CCDC171: variants seen among roughly 807,000 people sequenced by gnomAD.
CCDC171 encodes the protein coiled-coil domain-containing protein 171.
In CCDC171, 177 loss-of-function variants were observed where a neutral mutation model predicts 168.2. The ratio of observed to expected loss-of-function variants is 1.05; its 90% CI spans 0.93 to 1.19. The LOEUF is 1.19. Ranked by LOEUF, CCDC171 falls within the 50% of genes most tolerant of loss-of-function variation. The pLI, the probability that CCDC171 is intolerant of heterozygous loss-of-function variation, is 0.00. For missense variants in CCDC171, 1,991 were observed against 1,539.0 expected, an observed-to-expected ratio of 1.29 and a Z score of -4.91; for synonymous variants, 687 against 540.8, an observed-to-expected ratio of 1.27 and a Z score of -3.75.
the CCDC171 span, among the ~76,000 whole-genome samples, chr9:16,104,926 G>T: frequency 6.6e-6 from 1 of 152,084 alleles, no homozygotes; most frequent in African/African-American, 2.4e-5. Context: ...AGAGATGTAG[G>T]TACCAGCAGA....
At chr9:15,909,452 A>G (rs3008702) in intron 24 of CCDC171, among the ~76,000 whole-genome samples, 95,281 of 151,980 alleles carry the variant, frequency 0.63, 31,328 homozygotes, top group East Asian at 0.78. Flanking sequence ...GCAAAGCGAG[A>G]AGGTGGTTGG....
chr9:16,072,968 T>C, the CCDC171 span, among the ~76,000 whole-genome samples: 2 of 152,234 alleles, frequency 1.3e-5, no homozygotes, highest in Non-Finnish European at 2.9e-5. Context: ...ATAAGAGATA[T>C]CAGGAGACTC....
At position 15,768,884 on chromosome 9, in the gene CCDC171, A is replaced by G. The variant is rs535146425; in HGVS notation, c.2672-8716A>G. On this transcript the variant is annotated intron_variant, in intron 18 of 25. Coordinates refer to ENST00000380701, the MANE Select transcript of CCDC171 (RefSeq NM_173550.4). ...ATCTTCATCCGCAGTATCAGCAGCA[A>G]TATTGTTCCTTGTTTCTTATTGCAT... Among the ~76,000 whole-genome samples the G allele has an allele frequency of 2.6e-5, 4 of 152,268 alleles. No individual in the cohort carries two copies. The East Asian group carries it at 7.7e-4, about 29-fold the overall frequency.
At chr9:15,954,903 T>C (rs543218864) in intron 25 of CCDC171, among the ~76,000 whole-genome samples, 1 of 152,116 alleles carries the variant, frequency 6.6e-6, no homozygotes, top group African/African-American at 2.4e-5. Context: ...TGTCTTTGTC[T>C]CAGAGACCTG....
At chr9:15,772,638 G>C (rs1564378336) in intron 18 of CCDC171, among the ~76,000 whole-genome samples, 1 of 152,196 alleles carries the variant, frequency 6.6e-6, no homozygotes, top group Non-Finnish European at 1.5e-5. Flanking sequence ...GACCAGATGT[G>C]TAGGACTTTT....
intron 24 of CCDC171, among the ~76,000 whole-genome samples, chr9:15,919,874 C>T (rs972646293): frequency 6.6e-6 from 1 of 151,618 alleles, no homozygotes; most frequent in African/African-American, 2.4e-5. Context: ...ATTTTACTAA[C>T]TCAGCTTATT....
At chr9:16,002,135 ATT>A (rs76881347) in intron 3 of CCDC171, among the ~76,000 whole-genome samples, 37,550 of 103,450 alleles carry the variant, frequency 0.36, 5,475 homozygotes, top group Admixed American at 0.46. Flanking sequence ...GCCTACTATC[ATT>A]TTTTTTTTTT....
chr9:15,716,440 C>G (rs2053092044), intron 11 of CCDC171, among the ~76,000 whole-genome samples: 1 of 151,872 alleles, frequency 6.6e-6, no homozygotes, highest in Non-Finnish European at 1.5e-5. Context: ...CAATAAGGTC[C>G]TCGGTTTAGG....
rs1270423660 is a variant in CCDC171 at position 15,967,411 on chromosome 9, C to G, written c.3754-4198C>G. Among the ~76,000 whole-genome samples, 2 of 152,150 alleles carry G rather than the reference C, an allele frequency of 1.3e-5. 1 individual carries two copies. The highest frequency in any genetic ancestry group is 1.3e-4 in the Admixed American group (2 of 15,276). ...TGAAGCCACATCATCTAAATTGTGG[C>G]TAATCTTGTTATCTATTTGGCTTTA... On this transcript the variant is annotated intron_variant, in intron 25 of 25. Coordinates refer to ENST00000380701, the MANE Select transcript of CCDC171 (RefSeq NM_173550.4).
At chr9:15,841,971 A>C (rs1298473294) in intron 21 of CCDC171, among the ~76,000 whole-genome samples, 1 of 152,024 alleles carries the variant, frequency 6.6e-6, no homozygotes, top group Non-Finnish European at 1.5e-5. Flanking sequence ...TTTCCTTTTC[A>C]AACATTAATT....
intron 9 of CCDC171, among the ~76,000 whole-genome samples, chr9:15,677,819 G>A (rs75077167): frequency 0.024 from 2,996 of 124,044 alleles, 156 homozygotes; most frequent in African/African-American, 0.088. Flanking sequence ...ACACACACAC[G>A]CGCACACACA....
At chr9:15,676,621 C>G (rs1266567014) in intron 9 of CCDC171, among the ~76,000 whole-genome samples, 1 of 152,142 alleles carries the variant, frequency 6.6e-6, no homozygotes, top group Non-Finnish European at 1.5e-5. Flanking sequence ...CTCTAATTCT[C>G]TTGTATTTTG....
intron 24 of CCDC171, among the ~76,000 whole-genome samples, chr9:15,915,991 A>T (rs1824448309): frequency 6.6e-6 from 1 of 151,962 alleles, no homozygotes; most frequent in African/African-American, 2.4e-5. Flanking sequence ...TATCTTTTTG[A>T]TGTGCTGTTG....
intron 22 of CCDC171, 86 bp downstream of exon 22, chr9:15,846,933 A>G: frequency 8.2e-7 from 1 of 1,214,312 alleles, no homozygotes; most frequent in Non-Finnish European, 1.1e-6. Flanking sequence ...GCCCTGGATA[A>G]TACAGTGTTA....
intron 11 of CCDC171, among the ~76,000 whole-genome samples, chr9:15,708,282 A>G (rs889195680): frequency 6.6e-6 from 1 of 152,278 alleles, no homozygotes; most frequent in Non-Finnish European, 1.5e-5. Flanking sequence ...TTGCACAGAA[A>G]TGTTGAAAAC....
At chr9:16,100,593 G>T in the CCDC171 span, among the ~76,000 whole-genome samples, 5 of 152,194 alleles carry the variant, frequency 3.3e-5, no homozygotes, top group Admixed American at 2.6e-4. Flanking sequence ...GGGGATTTTT[G>T]TTAGTGAGAA....
In CCDC171 at chr9:16,036,639, G is replaced by A. The variant is rs185649437; in HGVS notation, n.1181+433G>A. On this transcript the variant is annotated intron_variant and non_coding_transcript_variant, in intron 8 of 9. Transcript: ENST00000486641. ...AGCCTGGGCCACAGAGCGAGACTCC[G>A]TCTCAAAACAAACAAACAAGCAAAA... Among the ~76,000 whole-genome samples the A allele has an allele frequency of 9.9e-5, 15 of 152,260 alleles. No homozygotes were observed. The East Asian group carries it at 2.3e-3, about 24-fold the overall frequency.
rs552463349 is a variant in CCDC171, at chr9:15,707,004, C to T, written c.1318+11667C>T. 2.6e-5 allele frequency among the ~76,000 whole-genome samples: 4 copies of T among 152,278 alleles called. No homozygotes were observed. The South Asian group carries it at 8.3e-4, about 32-fold the overall frequency. On this transcript the variant is annotated intron_variant, in intron 11 of 25. Coordinates refer to ENST00000380701, the MANE Select transcript of CCDC171 (RefSeq NM_173550.4). ...TTACTTCTTTCATAAAGGAATATTG[C>T]CTACACCTAGTATCCTCTTGAGAAT...
chr9:15,830,005 C>G (rs1039651362), intron 21 of CCDC171, among the ~76,000 whole-genome samples: 3 of 152,144 alleles, frequency 2.0e-5, no homozygotes, highest in African/African-American at 4.8e-5. Flanking sequence ...AATGAGATTA[C>G]TAATGATAAT....
Sources: gnomAD v4.1 joint callset for allele counts (sites outside exome capture counted in the v4.1 genomes callset) on GRCh38, gnomAD v4.1.1 for gene constraint, MANE v1.5 for transcripts, NCBI Gene and HGNC (gene_info 2026-07-23, HGNC 2026-07-21) for gene names.